Variants in SGMS1 observed in about 807,000 individuals in gnomAD.
SGMS1 encodes the protein sphingomyelin synthase 1.
SGMS1 carries 13 observed loss-of-function variants against 46.2 expected under a neutral mutation model. That is an observed-to-expected ratio of 0.28 (90% CI 0.18 to 0.45). The LOEUF is 0.45. Among genes scored for constraint, SGMS1 ranks in the 20% least tolerant of loss-of-function variants. The pLI, the probability that SGMS1 is intolerant of heterozygous loss-of-function variation, is 1.00. For synonymous variants in SGMS1, 203 were observed against 187.8 expected (o/e 1.08, Z -0.66); for missense variants, 324 against 519.9 (o/e 0.62, Z 3.66).
intron 8 of SGMS1, among the ~76,000 whole-genome samples, chr10:50,318,386 C>T (rs1847383160): frequency 6.6e-6 from 1 of 152,174 alleles, no homozygotes; most frequent in South Asian, 2.1e-4. Context: ...TCATCCTCAA[C>T]CTCTACCCAC....
intron 7 of SGMS1, among the ~76,000 whole-genome samples, chr10:50,333,166 C>T (rs1351919607): frequency 3.3e-5 from 5 of 152,136 alleles, no homozygotes; most frequent in Admixed American, 3.3e-4. Flanking sequence ...AAATGTCTCA[C>T]GTCTCACCCC....
intron 1 of SGMS1, among the ~76,000 whole-genome samples, chr10:50,607,472 G>A (rs1190625879): frequency 6.6e-6 from 1 of 152,144 alleles, no homozygotes; most frequent in African/African-American, 2.4e-5. Context: ...TTCTTCTCCA[G>A]GGAAGATATT....
intron 6 of SGMS1, among the ~76,000 whole-genome samples, chr10:50,385,432 C>T (rs1001005805): frequency 2.6e-5 from 4 of 152,162 alleles, no homozygotes; most frequent in African/African-American, 9.7e-5. Flanking sequence ...TTTAACTTCC[C>T]TAGTCCTCTT....
At chr10:50,587,488 C>T (rs1838495259) in intron 2 of SGMS1, among the ~76,000 whole-genome samples, 1 of 152,118 alleles carries the variant, frequency 6.6e-6, no homozygotes, top group Admixed American at 6.5e-5. Context: ...CAAAAATTAG[C>T]CTGGCATGGT....
intron 2 of SGMS1, among the ~76,000 whole-genome samples, chr10:50,565,317 C>A (rs531954330): frequency 6.6e-6 from 1 of 152,242 alleles, no homozygotes; most frequent in East Asian, 1.9e-4. Flanking sequence ...TACAAAATCA[C>A]ATGTGTCATC....
At chr10:50,401,565 T>C (rs558638994) in intron 6 of SGMS1, among the ~76,000 whole-genome samples, 1 of 152,294 alleles carries the variant, frequency 6.6e-6, no homozygotes, top group African/African-American at 2.4e-5. Flanking sequence ...TCACACTCTA[T>C]TCCAACTATA....
At chr10:50,397,481 C>G (rs1341220231) in intron 6 of SGMS1, among the ~76,000 whole-genome samples, 1 of 152,176 alleles carries the variant, frequency 6.6e-6, no homozygotes, top group Non-Finnish European at 1.5e-5. Flanking sequence ...TTTGCTTTAG[C>G]AACATCCTGG....
chr10:50,609,989 A>G (rs1838734333), intron 1 of SGMS1, among the ~76,000 whole-genome samples: 1 of 152,188 alleles, frequency 6.6e-6, no homozygotes. Context: ...GAGAAGCAGC[A>G]ACTGCTCCAA....
chr10:50,491,539 T>C (rs1393528226), intron 3 of SGMS1, among the ~76,000 whole-genome samples: 1 of 152,102 alleles, frequency 6.6e-6, no homozygotes, highest in East Asian at 1.9e-4. Context: ...AGAATTAAGA[T>C]TGTGCTGTCA....
rs1336543109 is a variant in SGMS1 at position 50,305,996 on chromosome 10, T to C, written c.*1146A>G. On this transcript the variant is annotated 3_prime_UTR_variant, in exon 11 of 11. Transcript: ENST00000361781. ...CTTTTAAAGAAATAGATCTCTTTTT[T>C]GTTGTTCACCAACAAAATTGTCATG... 6.5e-6 allele frequency: 1 copy of C among 152,710 alleles called. No homozygotes were observed. The highest frequency in any genetic ancestry group is 2.4e-5 in the African/African-American group (1 of 41,474). 9.5% of individuals were successfully genotyped at this position (152,710 alleles called of 1,614,324 possible). A position where few individuals can be genotyped will look rare whatever the true frequency, so the allele number is the denominator to read the frequency against.
intron 6 of SGMS1, among the ~76,000 whole-genome samples, chr10:50,417,719 A>G (rs186972563): frequency 9.3e-4 from 141 of 152,308 alleles, no homozygotes; most frequent in African/African-American, 2.9e-3. Context: ...TGTAGACACA[A>G]TCCCGTTCTC....
intron 8 of SGMS1, among the ~76,000 whole-genome samples, chr10:50,312,160 T>C (rs1847264953): frequency 1.3e-5 from 2 of 152,148 alleles, no homozygotes. Flanking sequence ...TCTAATTTAA[T>C]TACCATGATC....
intron 6 of SGMS1, among the ~76,000 whole-genome samples, chr10:50,352,785 T>C (rs921144613): frequency 5.3e-5 from 8 of 152,124 alleles, no homozygotes; most frequent in Non-Finnish European, 1.0e-4. Context: ...AAATACAAAC[T>C]ACCATCAGAG....
chr10:50,614,955 G>A (rs901979139), intron 1 of SGMS1, among the ~76,000 whole-genome samples: 3 of 152,250 alleles, frequency 2.0e-5, no homozygotes, highest in African/African-American at 7.2e-5. Flanking sequence ...CTGGCATGCA[G>A]TTAGCCATCA....
chr10:50,444,277 A>T (rs1158127070), intron 5 of SGMS1, among the ~76,000 whole-genome samples: 1 of 152,218 alleles, frequency 6.6e-6, no homozygotes, highest in Non-Finnish European at 1.5e-5. Flanking sequence ...ATGTAATAAA[A>T]GGATATACCA....
intron 6 of SGMS1, among the ~76,000 whole-genome samples, chr10:50,429,006 T>C (rs1158957354): frequency 2.6e-5 from 4 of 152,228 alleles, no homozygotes; most frequent in Non-Finnish European, 5.9e-5. Flanking sequence ...GTATTGAATA[T>C]TGTTTTTAAA....
chr10:50,387,876 A>G (rs1333215505), intron 6 of SGMS1, among the ~76,000 whole-genome samples: 1 of 152,200 alleles, frequency 6.6e-6, no homozygotes, highest in Non-Finnish European at 1.5e-5. Flanking sequence ...AAACAGCTGG[A>G]GTGGTTACAG....
intron 8 of SGMS1, among the ~76,000 whole-genome samples, chr10:50,317,418 T>C (rs760251107): frequency 2.2e-4 from 34 of 152,346 alleles, no homozygotes; most frequent in Middle Eastern, 3.4e-3. Flanking sequence ...TTGGTGAGCG[T>C]AGTTGTTACT....
intron 2 of SGMS1, among the ~76,000 whole-genome samples, chr10:50,539,190 G>A (rs1838030519): frequency 6.6e-6 from 1 of 152,212 alleles, no homozygotes; most frequent in African/African-American, 2.4e-5. Flanking sequence ...CCCATTCACT[G>A]CTGGACTGAG....
Sources: gnomAD v4.1 joint callset for allele counts (sites outside exome capture counted in the v4.1 genomes callset) on GRCh38, gnomAD v4.1.1 for gene constraint, MANE v1.5 for transcripts, NCBI Gene and HGNC (gene_info 2026-07-23, HGNC 2026-07-21) for gene names.